CIT: variants seen among roughly 807,000 people sequenced by gnomAD.
CIT encodes citron rho-interacting serine/threonine kinase.
Under a neutral mutation model 272.7 loss-of-function variants are expected in CIT, and 79 were observed. The observed-to-expected ratio is 0.29, with a 90% confidence interval of 0.24 to 0.35. The LOEUF (loss-of-function observed/expected upper bound fraction) is 0.35, where lower values mean the gene tolerates loss of function less well. Among genes scored for constraint, CIT ranks in the 10% least tolerant of loss-of-function variants. The pLI, the probability that CIT is intolerant of heterozygous loss-of-function variation, is 1.00. For synonymous variants in CIT, 948 were observed against 995.6 expected (o/e 0.95, Z 0.90); for missense variants, 1,909 against 2,618.3 (o/e 0.73, Z 5.91).
At chr12:119,706,986 G>A (rs1433516060) in intron 40 of CIT, among the ~76,000 whole-genome samples, 1 of 152,182 alleles carries the variant, frequency 6.6e-6, no homozygotes, top group Non-Finnish European at 1.5e-5. Flanking sequence ...GCAAACAAAG[G>A]TATTTTATGT....
chr12:119,788,791 C>G (rs990986633), intron 10 of CIT, among the ~76,000 whole-genome samples: 3 of 152,190 alleles, frequency 2.0e-5, no homozygotes, highest in African/African-American at 7.2e-5. Flanking sequence ...GAGGTCCAAC[C>G]CCTTCATTCT....
rs1007017577 is a variant in CIT, at chr12:119,711,845, T to C, written c.4854+333A>G. 3.3e-5 allele frequency among the ~76,000 whole-genome samples: 5 copies of C among 152,266 alleles called. No individual in the cohort carries two copies. In the South Asian group the frequency reaches 6.2e-4, roughly 19 times the overall value. ...TCTTTCTTTCTCTTTTTTTAAGAGA[T>C]GGGATCTTGCTATCTTGCCCAGTCT... On this transcript the variant is annotated intron_variant, in intron 37 of 47. Coordinates refer to ENST00000392521, the MANE Select transcript of CIT (RefSeq NM_001206999.2).
intron 2 of CIT, among the ~76,000 whole-genome samples, chr12:119,874,654 T>G (rs989259043): frequency 3.3e-5 from 5 of 152,136 alleles, no homozygotes; most frequent in Non-Finnish European, 5.9e-5. Context: ...GGTGTGGTAT[T>G]CATCAAAACT....
intron 18 of CIT, among the ~76,000 whole-genome samples, chr12:119,769,444 G>A (rs772621855): frequency 1.3e-5 from 2 of 152,178 alleles, no homozygotes; most frequent in African/African-American, 2.4e-5. Context: ...CTAGAACAGT[G>A]CCTGGCACAT....
intron 24 of CIT, among the ~76,000 whole-genome samples, chr12:119,736,096 C>T (rs1404275353): frequency 6.6e-6 from 1 of 152,196 alleles, no homozygotes; most frequent in African/African-American, 2.4e-5. Flanking sequence ...AATTTCAGAA[C>T]ATTTAGCTTT....
At chr12:119,696,674 A>T (rs1262827451) in intron 46 of CIT, among the ~76,000 whole-genome samples, 2 of 152,096 alleles carry the variant, frequency 1.3e-5, no homozygotes, top group African/African-American at 4.8e-5. Flanking sequence ...TTACAGGCAC[A>T]CACCACCACA....
rs532840248 is a variant in CIT at position 119,877,087 on chromosome 12, C to G, written c.-14+162G>C. On this transcript the variant is annotated intron_variant, in intron 1 of 47. Transcript: ENST00000392521. ...CCAAGGAAGGTGGGCGCGCGCACAG[C>G]TAGCCCCGGAAGACCCTCCAGGCCT... Among the ~76,000 whole-genome samples the G allele has an allele frequency of 2.0e-5, 3 of 152,262 alleles. No individual in the cohort carries two copies. The South Asian group carries it at 6.2e-4, about 32-fold the overall frequency.
At chr12:119,862,471 C>T (rs1046125182) in intron 3 of CIT, among the ~76,000 whole-genome samples, 1 of 152,010 alleles carries the variant, frequency 6.6e-6, no homozygotes, top group Non-Finnish European at 1.5e-5. Context: ...TTGTGCCCCT[C>T]GCCCCTACAA....
intron 5 of CIT, among the ~76,000 whole-genome samples, chr12:119,849,897 A>T (rs1970090936): frequency 6.6e-6 from 1 of 152,162 alleles, no homozygotes; most frequent in Non-Finnish European, 1.5e-5. Flanking sequence ...TGTGTTAGCC[A>T]GGATGGTCTT....
At chr12:119,688,867 T>TAC (rs1175292212) in intron 47 of CIT, among the ~76,000 whole-genome samples, 3 of 152,194 alleles carry the variant, frequency 2.0e-5, no homozygotes, top group African/African-American at 7.2e-5. Context: ...AATTTATATA[T>TAC]ACACATGTGT....
At chr12:119,875,962 TGA>T in intron 2 of CIT, 109 bp downstream of exon 2, 3 of 682,384 alleles carry the variant, frequency 4.4e-6, no homozygotes, top group Non-Finnish European at 7.5e-6. Context: ...TACTCCAGCC[TGA>T]GAGACTGAGA....
In CIT at chr12:119,783,986, C is replaced by T. The variant is rs763557974; in HGVS notation, c.1467G>A (p.Lys489=). Residue 489 remains lysine (K), a synonymous_variant, in exon 12 of 48, where the codon AAG becomes AAA. Coordinates refer to ENST00000392521, the MANE Select transcript of CIT (RefSeq NM_001206999.2). ...TCTCAGAGGCCTTCAGCTCCACCTC[C>T]TTCTGACTAAGCACAGCCTCCACCT... ...VSEVEAVLSQ[K]EVELKASETQ... is the part of the protein sequence containing the mutation. 2.6e-5 allele frequency: 42 copies of T among 1,613,454 alleles called. No homozygotes were observed. Among genetic ancestry groups the T allele is most frequent in the Non-Finnish European group, 3.3e-5 (39 of 1,179,712 alleles).
chr12:119,703,908 G>A (rs1185161522), intron 41 of CIT, among the ~76,000 whole-genome samples: 1 of 152,190 alleles, frequency 6.6e-6, no homozygotes, highest in African/African-American at 2.4e-5. Context: ...CGAAAAGAAG[G>A]AGCTCCCTAA....
Position 119,718,987 on chromosome 12 carries a change from G to A in CIT, c.3841-126C>T. 1.1e-6 allele frequency: 1 copy of A among 930,914 alleles called. No homozygotes were observed. The highest frequency in any genetic ancestry group is 1.7e-5 in the South Asian group (1 of 58,738). The allele number at this position is 930,914 out of a possible 1,614,324, so 57.7% of individuals were successfully genotyped here. A position where few individuals can be genotyped will look rare whatever the true frequency, so the allele number is the denominator to read the frequency against. ...AGCATACTCACTGTAAGTGTATTTA[G>A]TAAAAATGGCATGTGAAGGGGGGGA... On this transcript the variant is annotated intron_variant, in intron 30 of 47. Coordinates refer to ENST00000392521, the MANE Select transcript of CIT (RefSeq NM_001206999.2). The surrounding 1 kb of genome is among the most constrained non-coding windows in gnomAD (Gnocchi z 4.8).
At chr12:119,724,589 A>T (rs1354315598) in intron 28 of CIT, among the ~76,000 whole-genome samples, 2 of 152,144 alleles carry the variant, frequency 1.3e-5, no homozygotes, top group African/African-American at 4.8e-5. Context: ...TTTGACCAGG[A>T]CTAGCAAATG....
chr12:119,726,478 C>T (rs2996027), intron 28 of CIT, among the ~76,000 whole-genome samples: 80,990 of 148,180 alleles, frequency 0.55, 22,353 homozygotes, highest in Admixed American at 0.63. Flanking sequence ...GCAATCCTCA[C>T]GCCTCAGCCA....
intron 13 of CIT, among the ~76,000 whole-genome samples, chr12:119,781,563 A>G (rs1964289469): frequency 6.6e-6 from 1 of 152,230 alleles, no homozygotes; most frequent in South Asian, 2.1e-4. Context: ...TCTCTTCATT[A>G]AAGTCTCTAT....
chr12:119,859,664 A>C (rs1463747317), intron 3 of CIT, among the ~76,000 whole-genome samples: 1 of 152,106 alleles, frequency 6.6e-6, no homozygotes, highest in African/African-American at 2.4e-5. Flanking sequence ...TAACAATACA[A>C]AAATTAGCTG....
intron 13 of CIT, among the ~76,000 whole-genome samples, chr12:119,778,131 T>G (rs1963952918): frequency 6.6e-6 from 1 of 152,176 alleles, no homozygotes; most frequent in Admixed American, 6.5e-5. Context: ...TCGGTCAAAA[T>G]AACTTGTGAG....
Sources: gnomAD v4.1 joint callset for allele counts (sites outside exome capture counted in the v4.1 genomes callset) on GRCh38, gnomAD v4.1.1 for gene constraint, Gnocchi (gnomAD v3.1) non-coding constraint, MANE v1.5 for transcripts, NCBI Gene and HGNC (gene_info 2026-07-23, HGNC 2026-07-21) for gene names.